The following ZC3H18 variants were observed in gnomAD, a reference collection of about 807,000 sequenced individuals.
The protein encoded by ZC3H18 is zinc finger CCCH-type containing 18, also known as zinc finger CCCH domain-containing protein 18.
In ZC3H18, 8 loss-of-function variants were observed where a neutral mutation model predicts 106.1. The observed-to-expected ratio is 0.08, with a 90% CI of 0.04 to 0.14. The LOEUF (loss-of-function observed/expected upper bound fraction) is 0.14. Among genes scored for constraint, ZC3H18 ranks in the 10% least tolerant of loss-of-function variants. The probability of loss-of-function intolerance (pLI) is 1.00; values close to 1 mark genes in which losing one functional copy is unlikely to be tolerated. For synonymous variants in ZC3H18, 635 were observed against 522.1 expected (o/e 1.22, Z -2.95); for missense variants, 1,318 against 1,278.4 (o/e 1.03, Z -0.47).
chr16:88,613,937 A>AGG (rs143935888), intron 8 of ZC3H18, among the ~76,000 whole-genome samples: 3 of 152,140 alleles, frequency 2.0e-5, no homozygotes, highest in Non-Finnish European at 4.4e-5. Flanking sequence ...TCTCAAAAAA[A>AGG]GGGGGGGTGT....
At chr16:88,621,006 A>G (rs567875632) in intron 8 of ZC3H18, among the ~76,000 whole-genome samples, 2 of 150,692 alleles carry the variant, frequency 1.3e-5, no homozygotes, top group African/African-American at 4.9e-5. Context: ...AGCTGGGATT[A>G]CAGGCACGTG....
In ZC3H18 at chr16:88,628,064, C is replaced by T. The variant is rs1443982912; in HGVS notation, c.2414C>T (p.Pro805Leu). 1 of 1,614,092 alleles carries T rather than the reference C, an allele frequency of 6.2e-7. No individual in the cohort carries two copies. Among genetic ancestry groups the T allele is most frequent in the African/African-American group, 1.3e-5 (1 of 75,060 alleles). ...STPQQAPPGQ[P>L]QQGTFVAHKE... ...CCCCAGCAGGCACCCCCCGGGCAGC[C>T]CCAGCAGGGCACATTTGTGGCCCAC... The change falls in exon 15 of 18, where the codon CCC (proline) becomes CTC (leucine). Residue 805 changes from proline to leucine, a missense_variant. Around this residue, in one of 6 missense-constraint regions of ZC3H18, gnomAD observed 848 missense variants for 821.7 expected, o/e 1.03. Coordinates refer to ENST00000301011, the MANE Select transcript of ZC3H18 (RefSeq NM_144604.4).
chr16:88,584,283 G>A (rs372900620), intron 2 of ZC3H18, among the ~76,000 whole-genome samples: 2 of 152,070 alleles, frequency 1.3e-5, no homozygotes, highest in Admixed American at 6.5e-5. Context: ...TTAGCCAGGC[G>A]TGATGTCGGG....
At chr16:88,600,083 C>T (rs907588063) in intron 6 of ZC3H18, 135 bp downstream of exon 6, 7 of 1,151,800 alleles carry the variant, frequency 6.1e-6, no homozygotes, top group South Asian at 3.1e-5. Context: ...CAGTGACGTT[C>T]CTGAGAGCAT....
intron 6 of ZC3H18, among the ~76,000 whole-genome samples, chr16:88,601,554 G>T (rs1904751800): frequency 6.6e-6 from 1 of 151,822 alleles, no homozygotes; most frequent in Non-Finnish European, 1.5e-5. Flanking sequence ...TATCAGTGTT[G>T]GTTACAGAAA....
chr16:88,591,072 G>A (rs767171641), intron 3 of ZC3H18, among the ~76,000 whole-genome samples: 11 of 151,210 alleles, frequency 7.3e-5, no homozygotes, highest in African/African-American at 2.7e-4. Flanking sequence ...CTGGGTTCAC[G>A]CCATTCTCCT....
intron 2 of ZC3H18, among the ~76,000 whole-genome samples, chr16:88,584,863 GA>G (rs1308785116): frequency 2.0e-5 from 3 of 152,078 alleles, no homozygotes; most frequent in African/African-American, 7.3e-5. Context: ...CCTGATGCGG[GA>G]AAAACCCTTC....
chr16:88,628,737 C>G (rs1323412074), intron 15 of ZC3H18, 21 bp from the exon 16 acceptor site: 2 of 1,613,554 alleles, frequency 1.2e-6, no homozygotes, highest in Non-Finnish European at 1.7e-6. Context: ...GCTGTCCTCA[C>G]TGGCCTCTCT....
chr16:88,630,547 C>G lies in ZC3H18; in HGVS notation c.2629C>G (p.Gln877Glu). 1.2e-6 allele frequency: 2 copies of G among 1,612,032 alleles called. No individual in the cohort carries two copies. Among genetic ancestry groups the G allele is most frequent in the Non-Finnish European group, 1.7e-6 (2 of 1,179,658 alleles). Residue 877 changes from glutamine (Q) to glutamate (E), a missense_variant, in exon 17 of 18, where the codon CAG becomes GAG. This residue lies in a region of ZC3H18 where 848 missense variants were observed against 821.7 expected (regional missense o/e 1.03). Coordinates refer to ENST00000301011, the MANE Select transcript of ZC3H18 (RefSeq NM_144604.4). The part of the protein sequence containing the change: ...GSPKPERQRG[Q>E]NSKAPAAPAD... Reference sequence around the variant, plus strand: ...CCCGAAGCCAGAGCGGCAGAGAGGCCAGAACTCCAAAGCCCCTGCAGCCCC... The same window carrying G: ...CCCGAAGCCAGAGCGGCAGAGAGGCGAGAACTCCAAAGCCCCTGCAGCCCC...
At chr16:88,603,554 C>G (rs1331179276) in intron 6 of ZC3H18, among the ~76,000 whole-genome samples, 1 of 149,472 alleles carries the variant, frequency 6.7e-6, no homozygotes, top group Admixed American at 6.6e-5. Context: ...ACCTGGGAGG[C>G]GGAGGTTGCC....
intron 6 of ZC3H18, among the ~76,000 whole-genome samples, chr16:88,605,264 A>G (rs925655892): frequency 6.6e-5 from 10 of 152,254 alleles, no homozygotes; most frequent in Non-Finnish European, 1.5e-4. Flanking sequence ...CCACAGTCCC[A>G]CAGACTCAGG....
intron 3 of ZC3H18, among the ~76,000 whole-genome samples, chr16:88,594,615 T>G (rs1375765295): frequency 6.6e-6 from 1 of 152,082 alleles, no homozygotes; most frequent in Non-Finnish European, 1.5e-5. Flanking sequence ...AAAAGCAAGG[T>G]TCAGCACAGA....
chr16:88,616,797 C>CA (rs1905636722), intron 8 of ZC3H18, among the ~76,000 whole-genome samples: 1 of 152,138 alleles, frequency 6.6e-6, no homozygotes, highest in South Asian at 2.1e-4. Flanking sequence ...ATTCTGCCTT[C>CA]AGCTACCAAG....
intron 3 of ZC3H18, among the ~76,000 whole-genome samples, chr16:88,592,998 C>A (rs9935713): frequency 2.0e-5 from 3 of 151,996 alleles, no homozygotes; most frequent in Admixed American, 1.3e-4. Flanking sequence ...AAGCATATCC[C>A]TATGATAAAG....
chr16:88,579,500 A>G lies in ZC3H18; in HGVS notation c.603+1774A>G, dbSNP rs529740877. On this transcript the variant is annotated intron_variant, in intron 2 of 17. Coordinates refer to ENST00000301011, the MANE Select transcript of ZC3H18 (RefSeq NM_144604.4). ...GTCCCCATAGTGGTCCTGAAAGGCC[A>G]TGTCTGTGGAGCATACTGTGAGTTC... 1.2e-4 allele frequency among the ~76,000 whole-genome samples: 19 copies of G among 152,244 alleles called. No individual in the cohort carries two copies. In the South Asian group the frequency reaches 3.7e-3, roughly 30 times the overall value.
Position 88,628,762 on chromosome 16 carries a change from C to T in ZC3H18, c.2474C>T (p.Ala825Val). ...CTGGCCTCTCTCTTGTCCCAGGCGGCTGATAAAGGAAGCAGGAAGCGCTAT... is the reference window on the plus strand; with the variant it reads ...CTGGCCTCTCTCTTGTCCCAGGCGGTTGATAAAGGAAGCAGGAAGCGCTAT... ...EIKLTLLNKA[A>V]DKGSRKRYEP... Residue 825 changes from alanine (A) to valine (V), a missense_variant, in exon 16 of 18, where the codon GCT (alanine) becomes GTT (valine). Coordinates refer to ENST00000301011, the MANE Select transcript of ZC3H18 (RefSeq NM_144604.4). 1.2e-6 allele frequency: 2 copies of T among 1,613,940 alleles called. No homozygotes were observed. Among genetic ancestry groups the T allele is most frequent in the Non-Finnish European group, 1.7e-6 (2 of 1,179,900 alleles).
At chr16:88,575,393 G>C (rs999181050) in intron 1 of ZC3H18, among the ~76,000 whole-genome samples, 10 of 152,020 alleles carry the variant, frequency 6.6e-5, no homozygotes, top group African/African-American at 2.4e-4. Context: ...ATGCCGAGCA[G>C]TGTGACCGTG....
At chr16:88,574,023 A>G (rs577306240) in intron 1 of ZC3H18, among the ~76,000 whole-genome samples, 63 of 151,742 alleles carry the variant, frequency 4.2e-4, no homozygotes, top group African/African-American at 1.5e-3. Flanking sequence ...ACAGATGCCC[A>G]CCACCATGCC....
intron 9 of ZC3H18, 123 bp from the exon 10 acceptor site, chr16:88,623,096 C>CAGCTGTGCGCTTGTGTGT: frequency 7.1e-7 from 1 of 1,406,538 alleles, no homozygotes; most frequent in South Asian, 1.4e-5. Context: ...CGCGCGTGCG[C>CAGCTGTGCGCTTGTGTGT]AGCTGTGCGC....
Sources: gnomAD v4.1 joint callset for allele counts (sites outside exome capture counted in the v4.1 genomes callset) on GRCh38, gnomAD v4.1.1 for gene constraint, gnomAD v4.1.1 regional missense constraint, MANE v1.5 for transcripts, NCBI Gene and HGNC (gene_info 2026-07-23, HGNC 2026-07-21) for gene names.